Variants in SLC60A1 observed in about 807,000 individuals in gnomAD.
SLC60A1 encodes solute carrier family 60 member 1.
chr1:205,579,915 G>A, the SLC60A1 span: 3 of 1,614,086 alleles, frequency 1.9e-6, no homozygotes, highest in South Asian at 1.1e-5. Context: ...CAGCTGGTAA[G>A]GATGTACCAG....
chr1:205,585,699 T>G, the SLC60A1 span, among the ~76,000 whole-genome samples: 10 of 152,224 alleles, frequency 6.6e-5, no homozygotes, highest in South Asian at 1.7e-3. This position sits in a 1 kb window ranked among gnomAD's most constrained non-coding sequence, Gnocchi z 4.2. Context: ...TTTTTTTTTT[T>G]TTAAGTCATG....
At chr1:205,587,936 C>T in the SLC60A1 span, among the ~76,000 whole-genome samples, 1 of 152,116 alleles carries the variant, frequency 6.6e-6, no homozygotes, top group Non-Finnish European at 1.5e-5. Context: ...CTGAAGCATC[C>T]ACATATGTTA....
chr1:205,589,497 T>G, the SLC60A1 span, among the ~76,000 whole-genome samples: 1 of 152,108 alleles, frequency 6.6e-6, no homozygotes, highest in Non-Finnish European at 1.5e-5. Context: ...TTTTTTCTTT[T>G]TATTTTTTTG....
At chr1:205,598,989 C>A in the SLC60A1 span, 1 of 1,117,494 alleles carries the variant, frequency 8.9e-7, no homozygotes, top group Non-Finnish European at 1.3e-6. Flanking sequence ...AGGCCTCCCT[C>A]CTCCCCGTGA....
chr1:205,588,946 T>C, the SLC60A1 span, among the ~76,000 whole-genome samples: 651 of 152,266 alleles, frequency 4.3e-3, 7 homozygotes, highest in African/African-American at 0.015. Context: ...AGTACCAGAC[T>C]GAGTCACTGG....
At chr1:205,573,304 C>T in the SLC60A1 span, among the ~76,000 whole-genome samples, 1 of 152,040 alleles carries the variant, frequency 6.6e-6, no homozygotes, top group Non-Finnish European at 1.5e-5. Context: ...CCTGTAATCC[C>T]AGCTACTCGG....
At chr1:205,597,263 G>C in the SLC60A1 span, among the ~76,000 whole-genome samples, 1 of 151,314 alleles carries the variant, frequency 6.6e-6, no homozygotes, top group Non-Finnish European at 1.5e-5. Context: ...CAAAATGACA[G>C]TAAGACCTAG....
chr1:205,581,290 C>T, the SLC60A1 span, among the ~76,000 whole-genome samples: 1 of 152,250 alleles, frequency 6.6e-6, no homozygotes, highest in Non-Finnish European at 1.5e-5. This position sits in a 1 kb window ranked among gnomAD's most constrained non-coding sequence, Gnocchi z 4.2. Context: ...TGGGTCCCTT[C>T]ATCAATGGTG....
At chr1:205,579,359 G>A in the SLC60A1 span, among the ~76,000 whole-genome samples, 1 of 152,178 alleles carries the variant, frequency 6.6e-6, no homozygotes, top group Non-Finnish European at 1.5e-5. Context: ...CATCCAGGTG[G>A]GTCCCACCTG....
At chr1:205,601,038 G>A in the SLC60A1 span, 1 of 152,214 alleles carries the variant, frequency 6.6e-6, no homozygotes, top group Non-Finnish European at 1.5e-5. Flanking sequence ...GTATACTAAT[G>A]TAGTGGTATG....
the SLC60A1 span, chr1:205,602,435 T>C: frequency 6.6e-6 from 1 of 152,614 alleles, no homozygotes; most frequent in South Asian, 2.1e-4. Context: ...ATGGCATTTC[T>C]AAAAGTACCT....
the SLC60A1 span, among the ~76,000 whole-genome samples, chr1:205,571,231 G>A: frequency 6.6e-6 from 1 of 152,354 alleles, no homozygotes; most frequent in South Asian, 2.1e-4. Context: ...TGGAGGCACA[G>A]AGAGGTTAAG....
the SLC60A1 span, among the ~76,000 whole-genome samples, chr1:205,590,423 C>G: frequency 0.55 from 84,402 of 152,142 alleles, 23,464 homozygotes; most frequent in East Asian, 0.7. Context: ...CATTTCCATT[C>G]TGAAGGGAAT....
chr1:205,584,758 G>A, the SLC60A1 span: 2 of 825,106 alleles, frequency 2.4e-6, no homozygotes, highest in East Asian at 4.9e-5. Context: ...TGAAAGTAGA[G>A]GCAGTAAGTG....
the SLC60A1 span, among the ~76,000 whole-genome samples, chr1:205,585,686 CTTT>C: frequency 1.4e-4 from 20 of 143,936 alleles, no homozygotes; most frequent in Non-Finnish European, 1.2e-4. The surrounding 1 kb of genome is among the most constrained non-coding windows in gnomAD (Gnocchi z 4.2). Context: ...TTGCACACAC[CTTT>C]TTTTTTTTTT....
chr1:205,598,925 G>T, the SLC60A1 span: 90 of 631,672 alleles, frequency 1.4e-4, 1 homozygote, highest in South Asian at 1.7e-3. Flanking sequence ...TCCAGTCCCT[G>T]CCTTAGAGCA....
chr1:205,569,879 G>A, the SLC60A1 span, among the ~76,000 whole-genome samples: 1 of 152,146 alleles, frequency 6.6e-6, no homozygotes, highest in Non-Finnish European at 1.5e-5. Context: ...TAGCCACGGG[G>A]TTTAGTGGGT....
chr1:205,576,151 C>T, the SLC60A1 span, among the ~76,000 whole-genome samples: 1 of 152,136 alleles, frequency 6.6e-6, no homozygotes, highest in Non-Finnish European at 1.5e-5. Flanking sequence ...AGTTCCTGGG[C>T]CAGCCTCCCA....
chr1:205,586,225 C>T, the SLC60A1 span: 11 of 1,612,368 alleles, frequency 6.8e-6, no homozygotes, highest in Admixed American at 1.5e-4. Flanking sequence ...GCTGAATAGC[C>T]TCCTCTCTCT....
Sources: gnomAD v4.1 joint callset for allele counts (sites outside exome capture counted in the v4.1 genomes callset) on GRCh38, gnomAD v4.1.1 for gene constraint, Gnocchi (gnomAD v3.1) non-coding constraint, MANE v1.5 for transcripts, NCBI Gene and HGNC (gene_info 2026-07-23, HGNC 2026-07-21) for gene names.